DPYD: variants seen among roughly 807,000 people sequenced by gnomAD.
The protein encoded by DPYD is dihydropyrimidine dehydrogenase [NADP(+)].
Under a neutral mutation model 116.2 loss-of-function variants are expected in DPYD, and 109 were observed. The observed-to-expected ratio is 0.94, with a 90% confidence interval of 0.80 to 1.10. The LOEUF (loss-of-function observed/expected upper bound fraction) is 1.10. DPYD is among the 50% of genes least tolerant of loss of function. DPYD has a pLI of 0.00. For synonymous variants in DPYD, 440 were observed against 432.0 expected (o/e 1.02, Z -0.23); for missense variants, 1,302 against 1,254.5 (o/e 1.04, Z -0.57).
intron 14 of DPYD, among the ~76,000 whole-genome samples, chr1:97,436,076 G>C (rs970558748): frequency 6.6e-6 from 1 of 151,860 alleles, no homozygotes. Flanking sequence ...CATTTTAAAG[G>C]CTTGAGGGGA....
chr1:97,829,054 C>T (rs766806242), intron 2 of DPYD, among the ~76,000 whole-genome samples: 21 of 151,434 alleles, frequency 1.4e-4, no homozygotes, highest in Non-Finnish European at 1.6e-4. Context: ...AATTTATATA[C>T]ATATATATAT....
chr1:97,590,018 C>G (rs993270413), intron 10 of DPYD, among the ~76,000 whole-genome samples: 1 of 152,166 alleles, frequency 6.6e-6, no homozygotes. Flanking sequence ...CCTAACCTTT[C>G]AAAACCTGTA....
intron 14 of DPYD, among the ~76,000 whole-genome samples, chr1:97,425,296 A>G (rs1674800773): frequency 6.6e-6 from 1 of 152,094 alleles, no homozygotes; most frequent in Non-Finnish European, 1.5e-5. Flanking sequence ...TATGAAAGTG[A>G]TCTCCAATGA....
chr1:97,413,170 T>C (rs1334164046), intron 14 of DPYD, among the ~76,000 whole-genome samples: 2 of 152,190 alleles, frequency 1.3e-5, no homozygotes, highest in South Asian at 2.1e-4. Context: ...AAAGAATGAA[T>C]GCAGACTGTA....
At chr1:97,624,458 G>T (rs191831876) in intron 8 of DPYD, among the ~76,000 whole-genome samples, 60 of 152,052 alleles carry the variant, frequency 3.9e-4, no homozygotes, top group African/African-American at 1.4e-3. Flanking sequence ...TTATTAAAAA[G>T]ATGAAAGATA....
At chr1:97,411,455 G>A (rs761621235) in intron 14 of DPYD, among the ~76,000 whole-genome samples, 3 of 151,206 alleles carry the variant, frequency 2.0e-5, no homozygotes, top group African/African-American at 7.3e-5. Context: ...TTGAATTCAC[G>A]AGCTTCCACC....
At chr1:97,347,970 T>G (rs1223859084) in intron 16 of DPYD, among the ~76,000 whole-genome samples, 1 of 152,184 alleles carries the variant, frequency 6.6e-6, no homozygotes, top group Non-Finnish European at 1.5e-5. Context: ...CCAATCTCAC[T>G]GGAATGCTGG....
intron 14 of DPYD, 46 bp downstream of exon 14, chr1:97,450,013 C>T (rs376695748): frequency 5.6e-6 from 9 of 1,610,862 alleles, no homozygotes; most frequent in Admixed American, 3.3e-5. Context: ...TAAACATTCA[C>T]CAACTTATGC....
At chr1:97,895,487 G>A (rs748529176) in intron 1 of DPYD, among the ~76,000 whole-genome samples, 1 of 151,754 alleles carries the variant, frequency 6.6e-6, no homozygotes, top group Non-Finnish European at 1.5e-5. Context: ...AAATCATAGC[G>A]TGACTAGTTG....
chr1:97,618,657 A>C (rs1442340388), intron 8 of DPYD, among the ~76,000 whole-genome samples: 3 of 152,186 alleles, frequency 2.0e-5, no homozygotes, highest in African/African-American at 7.2e-5. Flanking sequence ...CTATGGCTAC[A>C]CAACCAGCAG....
intron 8 of DPYD, among the ~76,000 whole-genome samples, chr1:97,628,685 C>T (rs922488599): frequency 6.6e-6 from 1 of 151,636 alleles, no homozygotes; most frequent in Admixed American, 6.6e-5. Flanking sequence ...CTTAGACTTA[C>T]AAAATACTTT....
At chr1:97,447,200 T>A (rs978666363) in intron 14 of DPYD, among the ~76,000 whole-genome samples, 2 of 152,228 alleles carry the variant, frequency 1.3e-5, no homozygotes, top group Non-Finnish European at 2.9e-5. Context: ...ATCAGAAAAG[T>A]TAGCTTTTGC....
intron 20 of DPYD, among the ~76,000 whole-genome samples, chr1:97,153,586 T>C (rs1655191629): frequency 6.6e-6 from 1 of 152,080 alleles, no homozygotes; most frequent in Non-Finnish European, 1.5e-5. Context: ...GACATTGGCT[T>C]AGGCAAAGAC....
Position 97,196,972 on chromosome 1 carries a change from A to G in DPYD, c.2443-3724T>C, listed in dbSNP as rs117348467. Among the ~76,000 whole-genome samples, 4 of 152,338 alleles carry G rather than the reference A, an allele frequency of 2.6e-5. No homozygotes were observed. In the East Asian group the frequency reaches 5.8e-4, roughly 22 times the overall value. On this transcript the variant is annotated intron_variant, in intron 19 of 22. Transcript: ENST00000370192. ...CAAAAATTGTCAATGTTTTCAATTT[A>G]CCTTCTTACTTGTACAGTATGAGTA...
intron 20 of DPYD, among the ~76,000 whole-genome samples, 166 bp downstream of exon 20, chr1:97,192,903 T>A (rs917209348): frequency 6.6e-6 from 1 of 152,184 alleles, no homozygotes; most frequent in African/African-American, 2.4e-5. Context: ...CACAGACCCA[T>A]CATATGGCTG....
At chr1:97,779,456 G>A (rs1469071014) in intron 3 of DPYD, among the ~76,000 whole-genome samples, 1 of 151,894 alleles carries the variant, frequency 6.6e-6, no homozygotes, top group African/African-American at 2.4e-5. Flanking sequence ...AAATAAAACA[G>A]TACTACAAAA....
intron 3 of DPYD, among the ~76,000 whole-genome samples, chr1:97,743,951 G>T (rs938819230): frequency 4.6e-5 from 7 of 152,108 alleles, no homozygotes; most frequent in African/African-American, 1.4e-4. Flanking sequence ...TATACATAAA[G>T]AAGTATATTT....
intron 1 of DPYD, among the ~76,000 whole-genome samples, chr1:97,897,716 C>G (rs961995510): frequency 6.6e-6 from 1 of 151,830 alleles, no homozygotes; most frequent in Non-Finnish European, 1.5e-5. Context: ...GGTCTCCTAT[C>G]TATTTTGCAC....
In DPYD at chr1:97,333,185, G is replaced by A. The variant is rs528658913; in HGVS notation, c.2059-26888C>T. 8.0e-4 allele frequency among the ~76,000 whole-genome samples: 121 copies of A among 151,270 alleles called. 1 individual carries two copies. The highest frequency in any genetic ancestry group is 2.5e-3 in the South Asian group (12 of 4,780). ...CGATTACCCTGTCTCAGGCTCCCAA[G>A]TAGCTGGGACTATAGGCATGCACCA... On this transcript the variant is annotated intron_variant, in intron 16 of 22. Transcript: ENST00000370192.
Sources: allele counts gnomAD v4.1 joint callset (sites outside exome capture counted in the v4.1 genomes callset), GRCh38; gene constraint gnomAD v4.1.1; transcripts MANE v1.5; gene names NCBI Gene and HGNC (gene_info 2026-07-23, HGNC 2026-07-21).